TOM1L2: variants seen among roughly 807,000 people sequenced by gnomAD.
TOM1L2 encodes target of myb1 like 2 membrane trafficking protein.
Under a neutral mutation model 67.9 loss-of-function variants are expected in TOM1L2, and 31 were observed. The ratio of observed to expected loss-of-function variants is 0.46; its 90% confidence interval spans 0.34 to 0.62. The LOEUF (loss-of-function observed/expected upper bound fraction) is 0.62, where lower values mean the gene tolerates loss of function less well. Ranked by LOEUF, TOM1L2 falls within the 20% of genes least tolerant of loss-of-function variation. The pLI, the probability that TOM1L2 is intolerant of heterozygous loss-of-function variation, is 0.01. For missense variants in TOM1L2, 606 were observed against 663.5 expected, an observed-to-expected ratio of 0.91 and a Z score of 0.95; for synonymous variants, 256 against 254.0, an observed-to-expected ratio of 1.01 and a Z score of -0.07.
chr17:17,859,059 G>A (rs1005658677), intron 12 of TOM1L2: 4 of 152,010 alleles, frequency 2.6e-5, no homozygotes, highest in Non-Finnish European at 4.4e-5. Context: ...GCGGCTACAC[G>A]ATTTTCTCCC....
At chr17:17,879,381 T>C (rs1378258623) in intron 7 of TOM1L2, among the ~76,000 whole-genome samples, 1 of 151,172 alleles carries the variant, frequency 6.6e-6, no homozygotes, top group Non-Finnish European at 1.5e-5. Context: ...TGAGCATGTA[T>C]TCTACAACTG....
chr17:17,923,135 C>T (rs777409996), intron 1 of TOM1L2, among the ~76,000 whole-genome samples: 6 of 152,204 alleles, frequency 3.9e-5, no homozygotes, highest in Admixed American at 6.5e-5. Flanking sequence ...CAGTGGCTCA[C>T]GCCTGTAATC....
intron 14 of TOM1L2, 103 bp downstream of exon 14, chr17:17,848,720 A>T: frequency 7.7e-7 from 1 of 1,294,060 alleles, no homozygotes; most frequent in Non-Finnish European, 1.1e-6. Context: ...TGGCACCAGT[A>T]GGTGCTCTGG....
chr17:17,884,741 G>A lies in TOM1L2; in HGVS notation c.394C>T (p.Pro132Ser). The A allele has an allele frequency of 1.2e-6, 2 of 1,613,630 alleles. No homozygotes were observed. The highest frequency in any genetic ancestry group is 1.7e-6 in the Non-Finnish European group (2 of 1,180,014). The part of the protein sequence containing the change: ...QAWADAFRSS[P>S]DLTGVVHIYE... ...ATGTGCACAACGCCGGTGAGATCAG[G>A]ACTGCTTCGAAAGGCATCAGCCCAT... Residue 132 changes from proline to serine, a missense_variant, in exon 5 of 15, where the codon CCT (proline) becomes TCT (serine). Physicochemically the swap from Pro to Ser is moderately conservative, Grantham distance 74 (BLOSUM62 -1). Around this residue, in one of 2 missense-constraint regions of TOM1L2, gnomAD observed 543 missense variants for 554.0 expected, o/e 0.98. Coordinates refer to ENST00000379504, the MANE Select transcript of TOM1L2 (RefSeq NM_001082968.2).
intron 1 of TOM1L2, among the ~76,000 whole-genome samples, chr17:17,948,093 T>G (rs1332159219): frequency 1.3e-5 from 2 of 152,238 alleles, no homozygotes; most frequent in African/African-American, 4.8e-5. Context: ...AAACTAAGGC[T>G]CAGAGACATT....
chr17:17,847,731 G>A lies in TOM1L2; in HGVS notation c.1428C>T (p.Asp476=). ...GAGCCTCCATGGGGGGCGAGGGGAG[G>A]TCGGGAACCATTTCAGCAGCTTTGG... ...ERAKAAEMVP[D]LPSPPMEAPA... is the part of the protein sequence containing the mutation. The change falls in exon 15 of 15, where the codon GAC becomes GAT. Residue 476 remains aspartate, a synonymous_variant. Transcript: ENST00000379504. The A allele has an allele frequency of 6.2e-7, 1 of 1,614,060 alleles. No homozygotes were observed. The highest frequency in any genetic ancestry group is 8.5e-7 in the Non-Finnish European group (1 of 1,180,000).
At chr17:17,905,090 G>C (rs1199391170) in intron 2 of TOM1L2, among the ~76,000 whole-genome samples, 1 of 152,218 alleles carries the variant, frequency 6.6e-6, no homozygotes, top group Non-Finnish European at 1.5e-5. Flanking sequence ...TAGCCACTCG[G>C]AGCCCAGTGA....
intron 4 of TOM1L2, among the ~76,000 whole-genome samples, chr17:17,890,831 T>C (rs1467597271): frequency 6.6e-6 from 1 of 152,198 alleles, no homozygotes; most frequent in Non-Finnish European, 1.5e-5. Flanking sequence ...ATGTGTGATT[T>C]CCTGTATATA....
chr17:17,888,393 G>GT (rs1400603204), intron 4 of TOM1L2, among the ~76,000 whole-genome samples: 1 of 152,198 alleles, frequency 6.6e-6, no homozygotes, highest in African/African-American at 2.4e-5. Flanking sequence ...ATCCCTGAAA[G>GT]TTTTGACAAA....
intron 1 of TOM1L2, among the ~76,000 whole-genome samples, chr17:17,950,107 C>T (rs1222565602): frequency 2.6e-5 from 4 of 152,072 alleles, no homozygotes; most frequent in East Asian, 1.9e-4. Flanking sequence ...GTGATCTGCC[C>T]GCCTCGGCCT....
At chr17:17,916,518 G>A (rs900022372) in intron 1 of TOM1L2, among the ~76,000 whole-genome samples, 9 of 152,144 alleles carry the variant, frequency 5.9e-5, no homozygotes, top group Non-Finnish European at 1.2e-4. Flanking sequence ...ACCATTTGTT[G>A]AAAAGACTGT....
intron 10 of TOM1L2, among the ~76,000 whole-genome samples, chr17:17,863,851 C>T (rs1889014): frequency 0.4 from 60,842 of 151,778 alleles, 15,541 homozygotes; most frequent in Non-Finnish European, 0.59. Flanking sequence ...CCCTGGTGGA[C>T]ACTACACTTT....
At chr17:17,889,394 C>T (rs1346193983) in intron 4 of TOM1L2, among the ~76,000 whole-genome samples, 3 of 152,180 alleles carry the variant, frequency 2.0e-5, no homozygotes, top group East Asian at 1.9e-4. Flanking sequence ...CAGATATGCA[C>T]GGATGAGCTC....
intron 1 of TOM1L2, among the ~76,000 whole-genome samples, chr17:17,912,665 G>A (rs979010146): frequency 6.6e-6 from 1 of 151,662 alleles, no homozygotes; most frequent in African/African-American, 2.4e-5. Flanking sequence ...TCCTAGGTGG[G>A]ATGGCGGCCG....
In TOM1L2 at chr17:17,972,272, C is replaced by T. The variant is rs1459780665; in HGVS notation, c.42G>A (p.Gly14=). 1.9e-6 allele frequency: 3 copies of T among 1,551,506 alleles called. No individual in the cohort carries two copies. The highest frequency in any genetic ancestry group is 8.7e-7 in the Non-Finnish European group (1 of 1,148,156). ...CACACGCGGCCTTACCGAGGCACTG[C>T]CCCACTGGTGTGCTGAACGGGTTCC... ...LLGNPFSTPV[G]QCLEKATDGS... is the part of the protein sequence containing the mutation. Residue 14 remains glycine (G), a synonymous_variant, in exon 1 of 15, where the codon GGG becomes GGA. Transcript: ENST00000379504.
At chr17:17,879,835 C>T in intron 6 of TOM1L2, 92 bp from the exon 7 acceptor site, 1 of 1,077,068 alleles carries the variant, frequency 9.3e-7, no homozygotes, top group Non-Finnish European at 1.4e-6. Context: ...AGTCTAGTGA[C>T]AATCCTTCTC....
chr17:17,925,546 A>T (rs887862270), intron 1 of TOM1L2, among the ~76,000 whole-genome samples: 1 of 152,038 alleles, frequency 6.6e-6, no homozygotes, highest in Non-Finnish European at 1.5e-5. Flanking sequence ...TTCCATCAAA[A>T]ATAGCCAGGT....
intron 1 of TOM1L2, among the ~76,000 whole-genome samples, chr17:17,954,677 G>C (rs890888100): frequency 6.6e-6 from 1 of 152,144 alleles, no homozygotes; most frequent in Non-Finnish European, 1.5e-5. Context: ...GTTGTCCAAA[G>C]TTTTGGAAGG....
chr17:17,853,296 C>T (rs1485165639), intron 12 of TOM1L2, among the ~76,000 whole-genome samples: 1 of 152,176 alleles, frequency 6.6e-6, no homozygotes, highest in East Asian at 1.9e-4. Context: ...TACACCTGAC[C>T]AGCTTTTGTC....
Sources: allele counts gnomAD v4.1 joint callset (sites outside exome capture counted in the v4.1 genomes callset), GRCh38; gene constraint gnomAD v4.1.1; regional missense constraint gnomAD v4.1.1; transcripts MANE v1.5; gene names NCBI Gene and HGNC (gene_info 2026-07-23, HGNC 2026-07-21).